Variants in EGFLAM observed in about 807,000 individuals in gnomAD.
EGFLAM encodes EGF like, fibronectin type III and laminin G domains, also known as pikachurin.
In EGFLAM, 79 loss-of-function variants were observed where a neutral mutation model predicts 113.1. That is an observed-to-expected ratio of 0.70 (90% CI 0.58 to 0.84). The LOEUF is 0.84. Among genes scored for constraint, EGFLAM ranks in the 40% least tolerant of loss-of-function variants. The pLI is 0.00. For missense variants in EGFLAM, 1,265 were observed against 1,291.6 expected (o/e 0.98, Z 0.32); for synonymous variants, 504 against 487.6 (o/e 1.03, Z -0.44).
intron 1 of EGFLAM, chr5:38,284,116 T>C (rs188000756): frequency 1.2e-4 from 18 of 152,362 alleles, no homozygotes; most frequent in Admixed American, 1.0e-3. Context: ...GAAGGGGAGA[T>C]AGAGGAGAAA....
At chr5:38,407,186 G>T in intron 8 of EGFLAM, 40 bp downstream of exon 8, 1 of 1,595,474 alleles carries the variant, frequency 6.3e-7, no homozygotes, top group Non-Finnish European at 8.6e-7. Context: ...TGATGAATTG[G>T]CACCATTGAC....
At chr5:38,299,797 G>A (rs991550458) in intron 1 of EGFLAM, among the ~76,000 whole-genome samples, 6 of 152,044 alleles carry the variant, frequency 3.9e-5, no homozygotes, top group Non-Finnish European at 8.8e-5. Context: ...TGCAATGATT[G>A]AAAGCTGCAA....
At chr5:38,406,273 G>T (rs77007965) in intron 7 of EGFLAM, 32 bp downstream of exon 7, 4 of 1,588,948 alleles carry the variant, frequency 2.5e-6, no homozygotes, top group African/African-American at 2.7e-5. Context: ...AAAACCCAGG[G>T]TGTTTGTGTT....
intron 1 of EGFLAM, among the ~76,000 whole-genome samples, chr5:38,328,045 C>T (rs1039718748): frequency 6.6e-6 from 1 of 152,130 alleles, no homozygotes; most frequent in East Asian, 1.9e-4. Context: ...AGTCCGTTCT[C>T]GCACTGCTGT....
chr5:38,464,016 C>A lies in EGFLAM; in HGVS notation c.*30C>A. 1 of 1,613,612 alleles carries A rather than the reference C, an allele frequency of 6.2e-7. No individual in the cohort carries two copies. The stretch of plus-strand genomic sequence containing the variant: ...AGCTGGCCTTGTCCAAGGGACAGAG[C>A]CTTCTATTCTGAGAATCCCAGGGGC... On this transcript the variant is annotated 3_prime_UTR_variant, in exon 22 of 22. Coordinates refer to ENST00000322350, the MANE Select transcript of EGFLAM (RefSeq NM_152403.4).
At chr5:38,353,194 A>G (rs1233578191) in intron 5 of EGFLAM, among the ~76,000 whole-genome samples, 1 of 152,248 alleles carries the variant, frequency 6.6e-6, no homozygotes, top group East Asian at 1.9e-4. Context: ...ATATTAAAGC[A>G]TTGATTCTCA....
At position 38,418,235 on chromosome 5, in the gene EGFLAM, C is replaced by T; in HGVS notation, c.1664C>T (p.Ala555Val). ...IDMRPWPLGK[A>V]LSGADVGECS... is the part of the protein sequence containing the mutation. ...ATGAGGCCCTGGCCCCTGGGAAAAG[C>T]ACTCAGTGGGGCTGATGTGGGTAAG... Residue 555 changes from alanine to valine, a missense_variant, in exon 12 of 22, where the codon GCA (alanine) becomes GTA (valine). Transcript: ENST00000322350. 1 of 1,614,084 alleles carries T rather than the reference C, an allele frequency of 6.2e-7. No homozygotes were observed. Among genetic ancestry groups the T allele is most frequent in the Non-Finnish European group, 8.5e-7 (1 of 1,179,996 alleles).
chr5:38,261,419 C>T (rs1339268401), intron 1 of EGFLAM, among the ~76,000 whole-genome samples: 1 of 152,082 alleles, frequency 6.6e-6, no homozygotes, highest in African/African-American at 2.4e-5. Context: ...ACCCAATAGC[C>T]CTGGGAGATG....
intron 3 of EGFLAM, among the ~76,000 whole-genome samples, chr5:38,343,275 A>G (rs1191204328): frequency 5.9e-5 from 9 of 151,938 alleles, no homozygotes; most frequent in African/African-American, 2.2e-4. Flanking sequence ...GTTTGGTGGT[A>G]GGCGCCTGTA....
At chr5:38,453,801 T>G (rs1381089399) in intron 19 of EGFLAM, among the ~76,000 whole-genome samples, 1 of 152,118 alleles carries the variant, frequency 6.6e-6, no homozygotes, top group Non-Finnish European at 1.5e-5. Context: ...ATGGTCCAAC[T>G]TCCCCCTAAA....
intron 1 of EGFLAM, among the ~76,000 whole-genome samples, chr5:38,309,104 A>G (rs1296162791): frequency 6.6e-6 from 1 of 152,238 alleles, no homozygotes; most frequent in Non-Finnish European, 1.5e-5. Flanking sequence ...TCAAATGCTC[A>G]AAACTCATCA....
At chr5:38,313,723 T>C (rs1340331743) in intron 1 of EGFLAM, among the ~76,000 whole-genome samples, 1 of 152,244 alleles carries the variant, frequency 6.6e-6, no homozygotes, top group Non-Finnish European at 1.5e-5. Flanking sequence ...CAATAAGTTG[T>C]ACTTCTTTAA....
intron 6 of EGFLAM, among the ~76,000 whole-genome samples, chr5:38,389,006 G>T (rs1421397594): frequency 6.6e-6 from 1 of 151,656 alleles, no homozygotes; most frequent in Non-Finnish European, 1.5e-5. Context: ...ATTACCAAAT[G>T]AATCATTGTA....
intron 15 of EGFLAM, among the ~76,000 whole-genome samples, chr5:38,432,168 C>T (rs1725499143): frequency 6.6e-6 from 1 of 152,026 alleles, no homozygotes; most frequent in African/African-American, 2.4e-5. Context: ...TTAGTTCCCA[C>T]CAGTTTTCAT....
intron 16 of EGFLAM, among the ~76,000 whole-genome samples, chr5:38,437,435 G>A (rs998198242): frequency 1.3e-5 from 2 of 152,120 alleles, no homozygotes; most frequent in African/African-American, 2.4e-5. Flanking sequence ...CACAGCCACC[G>A]GGAGCCAGGG....
chr5:38,423,461 G>A (rs979622314), intron 12 of EGFLAM, among the ~76,000 whole-genome samples: 1 of 152,126 alleles, frequency 6.6e-6, no homozygotes. Context: ...TTAAAAAATG[G>A]TTAAAATGCA....
intron 1 of EGFLAM, among the ~76,000 whole-genome samples, chr5:38,275,608 A>C (rs1247659428): frequency 6.6e-6 from 1 of 152,232 alleles, no homozygotes; most frequent in Admixed American, 6.5e-5. Flanking sequence ...GATAGATTGC[A>C]ATACAGCAAT....
At chr5:38,302,841 C>T (rs1758627650) in intron 1 of EGFLAM, among the ~76,000 whole-genome samples, 1 of 152,128 alleles carries the variant, frequency 6.6e-6, no homozygotes, top group Admixed American at 6.6e-5. Context: ...GTTATCTCAG[C>T]TTCTGAGTAT....
chr5:38,400,987 A>G (rs936344111), intron 6 of EGFLAM: 3 of 152,204 alleles, frequency 2.0e-5, no homozygotes, highest in Admixed American at 1.3e-4. Flanking sequence ...ATGTTTCCCC[A>G]AACTGAGTGA....
Sources: allele counts gnomAD v4.1 joint callset (sites outside exome capture counted in the v4.1 genomes callset), GRCh38; gene constraint gnomAD v4.1.1; transcripts MANE v1.5; gene names NCBI Gene and HGNC (gene_info 2026-07-23, HGNC 2026-07-21).